RBFOX1: variants seen among roughly 807,000 people sequenced by gnomAD.
RBFOX1 encodes RNA binding protein fox-1 homolog 1.
Under a neutral mutation model 57.7 loss-of-function variants are expected in RBFOX1, and 8 were observed. The observed-to-expected ratio is 0.14, with a 90% confidence interval of 0.08 to 0.25. The LOEUF (loss-of-function observed/expected upper bound fraction) is 0.25, where lower values mean the gene tolerates loss of function less well. Ranked by LOEUF, RBFOX1 falls within the 10% of genes least tolerant of loss-of-function variation. The probability of loss-of-function intolerance (pLI) is 1.00; values close to 1 mark genes in which losing one functional copy is unlikely to be tolerated. For synonymous variants in RBFOX1, 326 were observed against 222.4 expected (o/e 1.47, Z -4.15); for missense variants, 611 against 548.5 (o/e 1.11, Z -1.14).
At chr16:6,652,683 G>A (rs34005634) in intron 2 of RBFOX1, among the ~76,000 whole-genome samples, 16,282 of 152,064 alleles carry the variant, frequency 0.11, 937 homozygotes, top group Middle Eastern at 0.12. Flanking sequence ...ATTCCTAGCC[G>A]ACTCATACAA....
At chr16:6,793,674 A>T (rs1028415661) in intron 3 of RBFOX1, among the ~76,000 whole-genome samples, 1 of 152,228 alleles carries the variant, frequency 6.6e-6, no homozygotes, top group Admixed American at 6.5e-5. Context: ...CTTGCTCTGT[A>T]GGAAATGAAA....
chr16:7,468,878 G>A (rs971651903), intron 4 of RBFOX1, among the ~76,000 whole-genome samples: 18 of 152,016 alleles, frequency 1.2e-4, no homozygotes, highest in South Asian at 2.1e-4. Flanking sequence ...ACAGGGTCCC[G>A]TCCAAATGAC....
chr16:5,962,818 G>GTTT (rs55961605), intron 4 of RBFOX1, among the ~76,000 whole-genome samples: 1 of 135,380 alleles, frequency 7.4e-6, no homozygotes, highest in Non-Finnish European at 1.6e-5. Flanking sequence ...TGAGGGTTTG[G>GTTT]TTTTTTTTTT....
chr16:6,951,353 ACT>A (rs1456569981), intron 3 of RBFOX1, among the ~76,000 whole-genome samples: 2 of 152,124 alleles, frequency 1.3e-5, no homozygotes, highest in Non-Finnish European at 2.9e-5. Flanking sequence ...ATTCTGGCTA[ACT>A]CTTTCTACCA....
chr16:7,036,448 C>T (rs1056405825), intron 3 of RBFOX1, among the ~76,000 whole-genome samples: 7 of 151,962 alleles, frequency 4.6e-5, no homozygotes, highest in African/African-American at 1.5e-4. Flanking sequence ...TGGTGGCTCA[C>T]GCTTGTAATC....
intron 2 of RBFOX1, among the ~76,000 whole-genome samples, chr16:6,462,664 T>C (rs2094947126): frequency 6.6e-6 from 1 of 152,174 alleles, no homozygotes; most frequent in Admixed American, 6.5e-5. Context: ...CTCACCAATT[T>C]TTTAATTTCA....
intron 2 of RBFOX1, among the ~76,000 whole-genome samples, chr16:6,543,932 A>C (rs1399136901): frequency 6.6e-6 from 1 of 152,316 alleles, no homozygotes; most frequent in South Asian, 2.1e-4. Flanking sequence ...GGGAATAAAA[A>C]GTATAAGGGC....
chr16:5,575,375 A>G (rs767953651), intron 2 of RBFOX1, among the ~76,000 whole-genome samples: 1 of 152,176 alleles, frequency 6.6e-6, no homozygotes, highest in Non-Finnish European at 1.5e-5. Flanking sequence ...TTGAGTTCAC[A>G]TGCCCTGCGT....
At chr16:6,360,888 C>G (rs1431832957) in intron 2 of RBFOX1, among the ~76,000 whole-genome samples, 1 of 152,102 alleles carries the variant, frequency 6.6e-6, no homozygotes, top group Non-Finnish European at 1.5e-5. Flanking sequence ...CCCTGAGTTT[C>G]TTGACATTGT....
At chr16:5,983,512 G>A (rs2060215204) in intron 4 of RBFOX1, among the ~76,000 whole-genome samples, 1 of 152,158 alleles carries the variant, frequency 6.6e-6, no homozygotes, top group South Asian at 2.1e-4. Flanking sequence ...GGGTAGGCGG[G>A]GAAAAACCGC....
chr16:7,226,913 G>A (rs370501505), intron 4 of RBFOX1, among the ~76,000 whole-genome samples: 94 of 152,264 alleles, frequency 6.2e-4, no homozygotes, highest in African/African-American at 2.0e-3. Flanking sequence ...ATTTTCATCT[G>A]TGTGTCTATA....
intron 4 of RBFOX1, among the ~76,000 whole-genome samples, chr16:5,870,955 A>G (rs1324515071): frequency 1.3e-5 from 2 of 152,212 alleles, no homozygotes. Context: ...AAAGGAGACA[A>G]AAAGAATGAC....
chr16:5,999,391 C>T lies in RBFOX1; in HGVS notation c.351+132056C>T, dbSNP rs114063675. 1.7e-3 allele frequency among the ~76,000 whole-genome samples: 258 copies of T among 152,320 alleles called. 1 individual carries two copies. The highest frequency in any genetic ancestry group is 5.7e-3 in the African/African-American group (236 of 41,568). Reference sequence around the variant, plus strand: ...TCTTCAGACCGGGTCAAACTCTTCCCCCATTGAAACCTTTCATAGCATCTT... The same window carrying T: ...TCTTCAGACCGGGTCAAACTCTTCCTCCATTGAAACCTTTCATAGCATCTT... On this transcript the variant is annotated intron_variant, in intron 4 of 19. Transcript: ENST00000641259.
chr16:5,248,671 G>T (rs1278365468), intron 1 of RBFOX1, among the ~76,000 whole-genome samples: 1 of 152,132 alleles, frequency 6.6e-6, no homozygotes, highest in Non-Finnish European at 1.5e-5. Flanking sequence ...AGCTGTTCGG[G>T]GGAGACTGCA....
chr16:6,403,257 C>T (rs768889260), intron 2 of RBFOX1, among the ~76,000 whole-genome samples: 12 of 152,166 alleles, frequency 7.9e-5, no homozygotes, highest in Non-Finnish European at 1.5e-4. Context: ...GTTTGAGAAG[C>T]ACTAGGTCAG....
intron 1 of RBFOX1, among the ~76,000 whole-genome samples, chr16:5,328,527 C>G (rs2064651052): frequency 1.3e-5 from 2 of 152,250 alleles, no homozygotes. Context: ...GCCTCGATGA[C>G]AAAGCATTGC....
At chr16:6,867,711 G>A (rs557653291) in intron 3 of RBFOX1, among the ~76,000 whole-genome samples, 7 of 152,148 alleles carry the variant, frequency 4.6e-5, no homozygotes, top group South Asian at 4.1e-4. Context: ...TGTCTCAGAA[G>A]GACAAAAAGA....
At chr16:7,033,073 G>T (rs555195166) in intron 3 of RBFOX1, among the ~76,000 whole-genome samples, 1 of 152,306 alleles carries the variant, frequency 6.6e-6, no homozygotes, top group East Asian at 1.9e-4. Flanking sequence ...AGGCAAGAAA[G>T]GAATGCCAAC....
chr16:7,481,415 CATAAT>C, intron 4 of RBFOX1, among the ~76,000 whole-genome samples: 1 of 152,304 alleles, frequency 6.6e-6, no homozygotes, highest in South Asian at 2.1e-4. Context: ...AGATACTTCT[CATAAT>C]ATAAATTGTT....
Sources: allele counts gnomAD v4.1 joint callset (sites outside exome capture counted in the v4.1 genomes callset), GRCh38; gene constraint gnomAD v4.1.1; transcripts MANE v1.5; gene names NCBI Gene and HGNC (gene_info 2026-07-23, HGNC 2026-07-21).